The following CNTNAP4 variants were observed in gnomAD, a reference collection of about 807,000 sequenced individuals.
The protein encoded by CNTNAP4 is contactin-associated protein-like 4.
CNTNAP4 carries 98 observed loss-of-function variants against 148.4 expected under a neutral mutation model. The ratio of observed to expected loss-of-function variants is 0.66; its 90% CI spans 0.56 to 0.78. The LOEUF (loss-of-function observed/expected upper bound fraction) is 0.78. CNTNAP4 is among the 30% of genes least tolerant of loss of function. The probability of loss-of-function intolerance (pLI) is 0.00; values close to 1 mark genes in which losing one functional copy is unlikely to be tolerated. For missense variants in CNTNAP4, 1,935 were observed against 1,565.6 expected (o/e 1.24, Z -3.98); for synonymous variants, 730 against 565.1 (o/e 1.29, Z -4.14).
intron 3 of CNTNAP4, among the ~76,000 whole-genome samples, chr16:76,379,005 A>G (rs2015704857): frequency 6.6e-6 from 1 of 152,170 alleles, no homozygotes; most frequent in Non-Finnish European, 1.5e-5. Context: ...TCAGACTCAA[A>G]ATGTGATTGA....
intron 15 of CNTNAP4, among the ~76,000 whole-genome samples, chr16:76,512,323 A>AAACCATT (rs1295687068): frequency 6.6e-6 from 1 of 152,180 alleles, no homozygotes; most frequent in Non-Finnish European, 1.5e-5. Context: ...CAAAGCAAGG[A>AAACCATT]AACCATTTAG....
chr16:76,293,882 A>G (rs1053306499), intron 1 of CNTNAP4, among the ~76,000 whole-genome samples: 1 of 148,834 alleles, frequency 6.7e-6, no homozygotes, highest in African/African-American at 2.5e-5. Context: ...TAGCATTTTT[A>G]GTAGTGTGGT....
intron 4 of CNTNAP4, among the ~76,000 whole-genome samples, chr16:76,443,688 G>A (rs984890664): frequency 3.3e-5 from 5 of 152,074 alleles, no homozygotes; most frequent in African/African-American, 1.2e-4. Flanking sequence ...GCTTAATTTA[G>A]TGTTTCTAAA....
At chr16:76,500,270 G>A (rs2082580103) in intron 15 of CNTNAP4, among the ~76,000 whole-genome samples, 1 of 152,196 alleles carries the variant, frequency 6.6e-6, no homozygotes. Flanking sequence ...GCCGGGCGGG[G>A]GCTGTATTGT....
intron 3 of CNTNAP4, among the ~76,000 whole-genome samples, chr16:76,397,421 G>C (rs2078240751): frequency 6.6e-6 from 1 of 151,924 alleles, no homozygotes; most frequent in African/African-American, 2.4e-5. Flanking sequence ...AGCAGAAACA[G>C]TAACCATTTT....
At chr16:76,390,631 A>G (rs1246990342) in intron 3 of CNTNAP4, among the ~76,000 whole-genome samples, 2 of 151,398 alleles carry the variant, frequency 1.3e-5, no homozygotes, top group Non-Finnish European at 2.9e-5. Context: ...TCATCATTGC[A>G]TTACTGATTC....
At chr16:76,359,391 ACAAT>A (rs1005158982) in intron 3 of CNTNAP4, among the ~76,000 whole-genome samples, 25 of 152,282 alleles carry the variant, frequency 1.6e-4, no homozygotes, top group South Asian at 1.5e-3. Context: ...AGCAATAAAA[ACAAT>A]CAACACGGAT....
At chr16:76,488,133 T>C (rs2082090417) in intron 12 of CNTNAP4, among the ~76,000 whole-genome samples, 1 of 152,190 alleles carries the variant, frequency 6.6e-6, no homozygotes, top group Non-Finnish European at 1.5e-5. Flanking sequence ...CAAGGTTGAG[T>C]TGGCTGAAAT....
intron 18 of CNTNAP4, among the ~76,000 whole-genome samples, chr16:76,537,700 A>C (rs1392277997): frequency 6.6e-6 from 1 of 152,118 alleles, no homozygotes; most frequent in Non-Finnish European, 1.5e-5. Context: ...TCTCTCAAAC[A>C]TCCTTCCTTC....
At chr16:76,330,152 C>T (rs1484561952) in intron 2 of CNTNAP4, among the ~76,000 whole-genome samples, 1 of 152,198 alleles carries the variant, frequency 6.6e-6, no homozygotes, top group Non-Finnish European at 1.5e-5. Context: ...AAACCAGCTG[C>T]TGCTTGTAAT....
At chr16:76,460,773 A>AAAAAAAAATATATATATAT in intron 8 of CNTNAP4, among the ~76,000 whole-genome samples, 2 of 57,328 alleles carry the variant, frequency 3.5e-5, no homozygotes, top group African/African-American at 6.4e-5. Flanking sequence ...AAAAAAAAAA[A>AAAAAAAAATATATATATAT]ATATATATAT....
chr16:76,404,138 G>C (rs1301747502), intron 3 of CNTNAP4, among the ~76,000 whole-genome samples: 3 of 151,850 alleles, frequency 2.0e-5, no homozygotes, highest in African/African-American at 7.3e-5. Context: ...TACAACATGA[G>C]TTTATATAAC....
At chr16:76,517,424 G>C (rs547695760) in intron 15 of CNTNAP4, among the ~76,000 whole-genome samples, 1 of 152,026 alleles carries the variant, frequency 6.6e-6, no homozygotes, top group African/African-American at 2.4e-5. Context: ...ACAAACATTT[G>C]GAAATAAACA....
intron 3 of CNTNAP4, among the ~76,000 whole-genome samples, chr16:76,399,310 C>T (rs538910181): frequency 1.3e-5 from 2 of 152,198 alleles, no homozygotes; most frequent in Admixed American, 6.5e-5. Flanking sequence ...AAATTAAGTA[C>T]CTCTGATAGA....
At chr16:76,492,566 A>C (rs958654555) in intron 13 of CNTNAP4, among the ~76,000 whole-genome samples, 8 of 152,266 alleles carry the variant, frequency 5.3e-5, no homozygotes, top group African/African-American at 1.4e-4. Context: ...CCCCACCCAA[A>C]TCTCACCTTG....
chr16:76,545,804 G>A (rs564722351), intron 21 of CNTNAP4, among the ~76,000 whole-genome samples: 17 of 152,274 alleles, frequency 1.1e-4, no homozygotes, highest in Non-Finnish European at 1.5e-4. Context: ...TTGGGAGGCC[G>A]AGGTGGATGG....
At chr16:76,380,802 G>A (rs954305156) in intron 3 of CNTNAP4, among the ~76,000 whole-genome samples, 22 of 152,134 alleles carry the variant, frequency 1.4e-4, no homozygotes, top group African/African-American at 5.3e-4. Flanking sequence ...ACCGAGGGTG[G>A]AACCACTGCG....
chr16:76,460,544 G>C (rs1192748981), intron 8 of CNTNAP4, among the ~76,000 whole-genome samples: 1 of 147,554 alleles, frequency 6.8e-6, no homozygotes, highest in Admixed American at 6.7e-5. Context: ...GGTGGATCAC[G>C]AGGTCAGGAG....
chr16:76,519,317 G>A (rs563174144), intron 15 of CNTNAP4, among the ~76,000 whole-genome samples: 1 of 152,136 alleles, frequency 6.6e-6, no homozygotes, highest in Non-Finnish European at 1.5e-5. Context: ...TTCATGTACA[G>A]ATAGCAGCAA....
Sources: gnomAD v4.1 joint callset for allele counts (sites outside exome capture counted in the v4.1 genomes callset) on GRCh38, gnomAD v4.1.1 for gene constraint, MANE v1.5 for transcripts, NCBI Gene and HGNC (gene_info 2026-07-23, HGNC 2026-07-21) for gene names.